PDE1C: variants seen among roughly 807,000 people sequenced by gnomAD.
PDE1C encodes dual specificity calcium/calmodulin-dependent 3',5'-cyclic nucleotide phosphodiesterase 1C.
Under a neutral mutation model 93.1 loss-of-function variants are expected in PDE1C, and 62 were observed. That is an observed-to-expected ratio of 0.67 (90% CI 0.54 to 0.82). The LOEUF (loss-of-function observed/expected upper bound fraction) is 0.82. Ranked by LOEUF, PDE1C falls within the 40% of genes least tolerant of loss-of-function variation. PDE1C has a pLI of 0.00. For synonymous variants in PDE1C, 325 were observed against 310.1 expected (o/e 1.05, Z -0.50); for missense variants, 742 against 884.6 (o/e 0.84, Z 2.04).
intron 7 of PDE1C, among the ~76,000 whole-genome samples, chr7:31,858,819 C>G (rs1794326344): frequency 6.6e-6 from 1 of 151,842 alleles, no homozygotes; most frequent in Admixed American, 6.6e-5. Context: ...AACATTTTCT[C>G]AGCAAAATAT....
chr7:31,746,911 G>C (rs1223651209), downstream of PDE1C, among the ~76,000 whole-genome samples: 1 of 152,168 alleles, frequency 6.6e-6, no homozygotes, highest in Non-Finnish European at 1.5e-5. Flanking sequence ...ATGAGCAATG[G>C]TGCATGGAGG....
intron 2 of PDE1C, among the ~76,000 whole-genome samples, chr7:32,184,263 A>G (rs1803679163): frequency 6.6e-6 from 1 of 152,216 alleles, no homozygotes; most frequent in Non-Finnish European, 1.5e-5. Flanking sequence ...ATCTAGAACT[A>G]GAAATACCAT....
At chr7:32,148,227 A>G (rs1801026657) in intron 3 of PDE1C, among the ~76,000 whole-genome samples, 1 of 152,116 alleles carries the variant, frequency 6.6e-6, no homozygotes, top group Non-Finnish European at 1.5e-5. Flanking sequence ...AATATAATGC[A>G]AACCACATAT....
chr7:32,138,876 A>G (rs1036925250), intron 3 of PDE1C, among the ~76,000 whole-genome samples: 47 of 152,166 alleles, frequency 3.1e-4, no homozygotes, highest in African/African-American at 9.7e-4. Context: ...TGAGTCTCTC[A>G]CTTCCTCAGA....
the PDE1C span, among the ~76,000 whole-genome samples, chr7:31,720,564 C>T: frequency 1.3e-5 from 2 of 152,162 alleles, no homozygotes; most frequent in South Asian, 2.1e-4. Context: ...ATGTCCCTGG[C>T]GACTCCTCAC....
intron 2 of PDE1C, among the ~76,000 whole-genome samples, chr7:32,180,423 T>A (rs1253619752): frequency 6.6e-6 from 1 of 152,194 alleles, no homozygotes; most frequent in Admixed American, 6.5e-5. Context: ...ATCCCCAGTA[T>A]AATAGTATTA....
chr7:32,262,777 G>C (rs1211812998), intron 1 of PDE1C, among the ~76,000 whole-genome samples: 1 of 152,136 alleles, frequency 6.6e-6, no homozygotes, highest in African/African-American at 2.4e-5. Context: ...CAACTTTTGG[G>C]GATAGTATTT....
chr7:32,094,842 T>A (rs185757901), intron 3 of PDE1C, among the ~76,000 whole-genome samples: 1 of 152,276 alleles, frequency 6.6e-6, no homozygotes. Context: ...CATCTCTTGT[T>A]TTGCCCATCT....
At chr7:32,162,726 T>C (rs56222548) in intron 3 of PDE1C, among the ~76,000 whole-genome samples, 38,617 of 152,000 alleles carry the variant, frequency 0.25, 5,265 homozygotes, top group East Asian at 0.51. Flanking sequence ...TGCACAGCTT[T>C]GGCCATCACA....
At chr7:32,263,145 G>A (rs1027545806) in intron 1 of PDE1C, among the ~76,000 whole-genome samples, 6 of 152,170 alleles carry the variant, frequency 3.9e-5, no homozygotes, top group Non-Finnish European at 8.8e-5. Context: ...AGGTCTCTGG[G>A]AGCAGGAAAG....
At chr7:31,740,304 AAT>A in the PDE1C span, among the ~76,000 whole-genome samples, 1 of 152,190 alleles carries the variant, frequency 6.6e-6, no homozygotes, top group African/African-American at 2.4e-5. Flanking sequence ...TGTTATAACT[AAT>A]GTTTCTTTTT....
At chr7:31,900,722 C>G (rs1465843576) in intron 2 of PDE1C, among the ~76,000 whole-genome samples, 1 of 151,632 alleles carries the variant, frequency 6.6e-6, no homozygotes, top group African/African-American at 2.4e-5. Flanking sequence ...GTCTATGAAG[C>G]CCTATTGACT....
At chr7:32,052,848 T>C (rs998046087) in intron 1 of PDE1C, among the ~76,000 whole-genome samples, 1 of 152,204 alleles carries the variant, frequency 6.6e-6, no homozygotes, top group Non-Finnish European at 1.5e-5. Flanking sequence ...CACACCAGAA[T>C]GACAACCATG....
chr7:31,967,104 A>G (rs1810111995), intron 2 of PDE1C, among the ~76,000 whole-genome samples: 1 of 152,216 alleles, frequency 6.6e-6, no homozygotes, highest in Non-Finnish European at 1.5e-5. Flanking sequence ...AGAATTAACT[A>G]AGATCAGAGC....
At chr7:32,018,978 G>A (rs138169985) in intron 2 of PDE1C, among the ~76,000 whole-genome samples, 23 of 151,986 alleles carry the variant, frequency 1.5e-4, no homozygotes, top group African/African-American at 5.1e-4. Flanking sequence ...GGAGGATACA[G>A]TCATGTTGCT....
At chr7:31,624,622 C>T in the PDE1C span, among the ~76,000 whole-genome samples, 1 of 148,952 alleles carries the variant, frequency 6.7e-6, no homozygotes, top group African/African-American at 2.5e-5. Context: ...AAGATCAATT[C>T]AAGATGGATT....
the PDE1C span, among the ~76,000 whole-genome samples, chr7:31,679,296 C>T: frequency 6.6e-6 from 1 of 152,158 alleles, no homozygotes; most frequent in African/African-American, 2.4e-5. Context: ...GAGTTTCCCA[C>T]TGGGCTTTAT....
Position 32,400,621 on chromosome 7 carries a change from C to T in PDE1C, c.310+27201G>A, listed in dbSNP as rs144230026. ...TTCTTTTCTCCTGGAGCTGGTGTTCCTCAGAGTTCACATTGGAAAACACTG... is the reference window on the plus strand; with the variant it reads ...TTCTTTTCTCCTGGAGCTGGTGTTCTTCAGAGTTCACATTGGAAAACACTG... On this transcript the variant is annotated intron_variant, in intron 1 of 1. Coordinates refer to the PDE1C transcript ENST00000672256. Among the ~76,000 whole-genome samples the T allele has an allele frequency of 3.1e-3, 478 of 152,306 alleles. 3 individuals carry two copies. Among genetic ancestry groups the T allele is most frequent in the African/African-American group, 0.011 (461 of 41,574 alleles).
chr7:31,709,449 A>C, the PDE1C span, among the ~76,000 whole-genome samples: 1 of 152,230 alleles, frequency 6.6e-6, no homozygotes, highest in Non-Finnish European at 1.5e-5. Flanking sequence ...GATAATTTAA[A>C]GACACCTTCA....
Sources: allele counts gnomAD v4.1 joint callset (sites outside exome capture counted in the v4.1 genomes callset), GRCh38; gene constraint gnomAD v4.1.1; transcripts MANE v1.5; gene names NCBI Gene and HGNC (gene_info 2026-07-23, HGNC 2026-07-21).